Variants in TRPV1 observed in about 807,000 individuals in gnomAD.
The protein encoded by TRPV1 is OTRPC1.
Under a neutral mutation model 82.3 loss-of-function variants are expected in TRPV1, and 82 were observed. The ratio of observed to expected loss-of-function variants is 1.00; its 90% CI spans 0.83 to 1.20. The LOEUF is 1.20. TRPV1 is among the 50% of genes most tolerant of loss of function. The pLI is 0.00. For missense variants in TRPV1, 1,067 were observed against 1,096.8 expected, an observed-to-expected ratio of 0.97 and a Z score of 0.38; for synonymous variants, 515 against 467.7, an observed-to-expected ratio of 1.10 and a Z score of -1.30.
chr17:3,583,361 C>T lies in TRPV1; in HGVS notation c.1453G>A (p.Gly485Arg). ...ACCCCTCGGAAAAAGAAGTAGACTC[C>T]TCCTAACACAGACAGGATCTCTCCA... ...VTGEILSVLGGVYFFFRGIQY... is the reference protein window; with the variant it reads ...VTGEILSVLGRVYFFFRGIQY... The change falls in exon 10 of 17, where the codon GGA becomes AGA. Residue 485 changes from glycine to arginine, a missense_variant. Transcript: ENST00000572705. 6.2e-7 allele frequency: 1 copy of T among 1,610,068 alleles called. No homozygotes were observed. The highest frequency in any genetic ancestry group is 2.2e-5 in the East Asian group (1 of 44,842).
chr17:3,588,075 G>A, intron 8 of TRPV1, 113 bp downstream of exon 8: 1 of 1,293,748 alleles, frequency 7.7e-7, no homozygotes, highest in Non-Finnish European at 1.1e-6. Flanking sequence ...CCTGGGCCCG[G>A]GCGCAGCAGG....
chr17:3,583,450 T>A lies in TRPV1; in HGVS notation c.1384-20A>T, dbSNP rs889066037. On this transcript the variant is annotated intron_variant, in intron 9 of 16. Transcript: ENST00000572705. ...GGGAGGCTGTGAGATGCAGAGAAGT[T>A]GGTAACTCCATTTACTCATTCGTTC... is the stretch of plus-strand genomic sequence containing the variant. 1 of 1,564,378 alleles carries A rather than the reference T, an allele frequency of 6.4e-7. No individual in the cohort carries two copies. Among genetic ancestry groups the A allele is most frequent in the Admixed American group, 1.8e-5 (1 of 54,902 alleles).
rs1025636252 is a variant in TRPV1, at chr17:3,589,343, A to G, written c.1044+464T>C. Among the ~76,000 whole-genome samples, 14 of 151,952 alleles carry G rather than the reference A, an allele frequency of 9.2e-5. 3 individuals carry two copies. Among genetic ancestry groups the G allele is most frequent in the East Asian group, 1.9e-4 (1 of 5,166 alleles). On this transcript the variant is annotated intron_variant, in intron 7 of 16. Coordinates refer to ENST00000572705, the MANE Select transcript of TRPV1 (RefSeq NM_080704.4). ...TGCCTCAGCCTCCTGAGTAGCTGGA[A>G]TTGTAGGCACCTGCCACCATGCCTG...
rs56301237 is a variant in TRPV1 at position 3,589,791 on chromosome 17, C to G, written c.1044+16G>C. ...AGCCCCGCACCGCACCAGCCTGAGCCGAAGCCCCCTCTTACCCCGATCTTC... is the reference window on the plus strand; with the variant it reads ...AGCCCCGCACCGCACCAGCCTGAGCGGAAGCCCCCTCTTACCCCGATCTTC... On this transcript the variant is annotated intron_variant, in intron 7 of 16. Coordinates refer to ENST00000572705, the MANE Select transcript of TRPV1 (RefSeq NM_080704.4). The G allele has an allele frequency of 4.4e-5, 70 of 1,598,630 alleles. No homozygotes were observed. In the Middle Eastern group the frequency reaches 6.7e-4, roughly 15 times the overall value.
chr17:3,587,433 G>A (rs183894913), intron 8 of TRPV1, among the ~76,000 whole-genome samples: 1 of 152,314 alleles, frequency 6.6e-6, no homozygotes, highest in East Asian at 1.9e-4. Context: ...TTTCCAAACA[G>A]CGTGGCAGGA....
At chr17:3,604,533 G>A (rs1363944249) in intron 2 of TRPV1, among the ~76,000 whole-genome samples, 1 of 151,458 alleles carries the variant, frequency 6.6e-6, no homozygotes, top group East Asian at 1.9e-4. Flanking sequence ...AGGAGGCGGA[G>A]GTTGCAGTGA....
chr17:3,591,446 A>T, intron 3 of TRPV1, 93 bp from the exon 4 acceptor site: 1 of 1,434,602 alleles, frequency 7.0e-7, no homozygotes, highest in Non-Finnish European at 9.3e-7. Flanking sequence ...CTAAATCCCA[A>T]GGCAAACCAA....
chr17:3,592,333 G>A lies in TRPV1; in HGVS notation c.18C>T (p.Ser6=), dbSNP rs755001575. 3 of 1,595,396 alleles carry A rather than the reference G, an allele frequency of 1.9e-6. No homozygotes were observed. Among genetic ancestry groups the A allele is most frequent in the Non-Finnish European group, 1.7e-6 (2 of 1,170,632 alleles). Reference sequence around the variant, plus strand: ...GGTCCGCAGCTGCCCCCAAGTCTGTGCTGCTCCATTTCTTCATCCTTGCTG... The same window carrying A: ...GGTCCGCAGCTGCCCCCAAGTCTGTACTGCTCCATTTCTTCATCCTTGCTG... The part of the protein sequence containing the change: MKKWS[S]TDLGAAADPL... Residue 6 remains serine (S), a synonymous_variant, in exon 3 of 17, where the codon AGC becomes AGT. Coordinates refer to ENST00000572705, the MANE Select transcript of TRPV1 (RefSeq NM_080704.4).
In TRPV1 at chr17:3,566,911, A is replaced by G. The variant is rs200857445; in HGVS notation, c.2424T>C (p.Ala808=). The G allele has an allele frequency of 8.7e-6, 14 of 1,614,010 alleles. No homozygotes were observed. The African/African-American group carries it at 1.9e-4, about 22-fold the overall frequency. Residue 808 remains alanine, a synonymous_variant, in exon 17 of 17, where the codon GCT becomes GCC. Transcript: ENST00000572705. ...REASARDRQS[A]QPEEVYLRQF... ...GTCGCAGATAAACTTCCTCGGGCTG[A>G]GCAGACTGCCTATCTCGAGCACTTG...
At chr17:3,575,996 G>C (rs1159545100) in intron 13 of TRPV1, among the ~76,000 whole-genome samples, 2 of 151,530 alleles carry the variant, frequency 1.3e-5, no homozygotes, top group Non-Finnish European at 2.9e-5. Context: ...GAGCCGAGGC[G>C]GGCAGATCAC....
In TRPV1 at chr17:3,585,791, A is replaced by G. The variant is rs2075077078; in HGVS notation, c.1360T>C (p.Tyr454His). 1 of 1,613,548 alleles carries G rather than the reference A, an allele frequency of 6.2e-7. No individual in the cohort carries two copies. Among genetic ancestry groups the G allele is most frequent in the South Asian group, 1.1e-5 (1 of 90,990 alleles). Residue 454 changes from tyrosine to histidine, a missense_variant, in exon 9 of 17, where the codon TAC becomes CAC. Physicochemically the swap from Tyr to His is moderately conservative, Grantham distance 83. Coordinates refer to ENST00000572705, the MANE Select transcript of TRPV1 (RefSeq NM_080704.4). The stretch of plus-strand genomic sequence containing the variant: ...ACCAAGCCATCCACGGGCCTGTAGT[A>G]GGCAGCCATGGTGAAGATGATCATG... ...LYMIIFTMAA[Y>H]YRPVDGLPPF... is the part of the protein sequence containing the mutation.
At position 3,566,904 on chromosome 17, in the gene TRPV1, C is replaced by A; in HGVS notation, c.2431G>T (p.Glu811Ter). ...GAAAACTGTCGCAGATAAACTTCCT[C>A]GGGCTGAGCAGACTGCCTATCTCGA... The part of the protein sequence containing the change: ...SARDRQSAQP[E>*]EVYLRQFSGS... The change falls in exon 17 of 17, where the codon GAG (glutamate) becomes TAG (stop). Residue 811 changes from glutamate to a stop codon, truncating the protein, a stop_gained. Coordinates refer to ENST00000572705, the MANE Select transcript of TRPV1 (RefSeq NM_080704.4). LOFTEE classifies it high-confidence loss of function. The A allele has an allele frequency of 6.2e-7, 1 of 1,613,982 alleles. No individual in the cohort carries two copies. The highest frequency in any genetic ancestry group is 1.3e-5 in the African/African-American group (1 of 75,046).
chr17:3,602,863 C>G (rs1486038504), intron 2 of TRPV1, among the ~76,000 whole-genome samples: 1 of 152,162 alleles, frequency 6.6e-6, no homozygotes, highest in Non-Finnish European at 1.5e-5. Flanking sequence ...GGCTCACGCC[C>G]GTAATCCCAG....
chr17:3,568,166 C>CA (rs1172071561), intron 16 of TRPV1, among the ~76,000 whole-genome samples: 2 of 151,760 alleles, frequency 1.3e-5, no homozygotes, highest in African/African-American at 4.8e-5. Context: ...ACTAAAAATA[C>CA]AAAAAATTAG....
At chr17:3,602,852 T>C (rs1412980457) in intron 2 of TRPV1, among the ~76,000 whole-genome samples, 1 of 152,246 alleles carries the variant, frequency 6.6e-6, no homozygotes, top group African/African-American at 2.4e-5. Context: ...CCGGCCTCAG[T>C]GGCTCACGCC....
At chr17:3,604,323 C>T (rs527752527) in intron 2 of TRPV1, among the ~76,000 whole-genome samples, 4 of 152,156 alleles carry the variant, frequency 2.6e-5, no homozygotes, top group South Asian at 4.1e-4. Context: ...ATAGGCCAGG[C>T]GTGGTGGCTC....
chr17:3,591,571 G>T (rs1462080435), intron 3 of TRPV1, among the ~76,000 whole-genome samples: 1 of 152,210 alleles, frequency 6.6e-6, no homozygotes, highest in Non-Finnish European at 1.5e-5. Context: ...CCTGTCTATA[G>T]ACACCATCTA....
chr17:3,593,865 C>T (rs2075191160), intron 2 of TRPV1, among the ~76,000 whole-genome samples: 1 of 152,166 alleles, frequency 6.6e-6, no homozygotes, highest in East Asian at 1.9e-4. Flanking sequence ...TGGCTCACGC[C>T]TGTAATCCCA....
chr17:3,574,514 G>A (rs1476865457), intron 13 of TRPV1, among the ~76,000 whole-genome samples: 1 of 152,142 alleles, frequency 6.6e-6, no homozygotes, highest in Non-Finnish European at 1.5e-5. Flanking sequence ...CACCTATTAG[G>A]TCTCTCTTAG....
Sources: allele counts gnomAD v4.1 joint callset (sites outside exome capture counted in the v4.1 genomes callset), GRCh38; gene constraint gnomAD v4.1.1; transcripts MANE v1.5; gene names NCBI Gene and HGNC (gene_info 2026-07-23, HGNC 2026-07-21).